Variants in CERS3 observed in about 807,000 individuals in gnomAD.
CERS3 encodes LAG1 homolog, ceramide synthase 3.
A neutral mutation model predicts 50.3 loss-of-function variants in CERS3; 33 were observed. The ratio of observed to expected loss-of-function variants is 0.66; its 90% CI spans 0.50 to 0.88. The LOEUF is 0.88. Among genes scored for constraint, CERS3 ranks in the 40% least tolerant of loss-of-function variants. The probability of loss-of-function intolerance (pLI) is 0.00; values close to 1 mark genes in which losing one functional copy is unlikely to be tolerated. For missense variants in CERS3, 470 were observed against 460.3 expected (o/e 1.02, Z -0.19); for synonymous variants, 176 against 155.2 (o/e 1.13, Z -0.99).
At chr15:100,490,152 G>A (rs190000495) in intron 4 of CERS3, among the ~76,000 whole-genome samples, 33 of 152,296 alleles carry the variant, frequency 2.2e-4, no homozygotes, top group African/African-American at 7.2e-4. Flanking sequence ...CAAAACTGGA[G>A]TGAACACTAG....
intron 11 of CERS3, among the ~76,000 whole-genome samples, 188 bp from the exon 12 acceptor site, chr15:100,403,053 AT>A (rs2030682448): frequency 2.0e-5 from 3 of 152,254 alleles, no homozygotes; most frequent in Admixed American, 1.3e-4. Context: ...AATAATTGAC[AT>A]TACACGAAGC....
intron 10 of CERS3, among the ~76,000 whole-genome samples, chr15:100,466,840 C>CCTCTCTCCCTCTCTCTCTCTCTCTCT (rs1162475657): frequency 3.5e-5 from 1 of 28,260 alleles, no homozygotes; most frequent in Non-Finnish European, 8.2e-5. Flanking sequence ...TCCCTCTCTC[C>CCTCTCTCCCTCTCTCTCTCTCTCTCT]CTCTCTCTTT....
In CERS3 at chr15:100,438,036, C is replaced by CTTTTTTTTT. The variant is rs10712821; in HGVS notation, c.999+17848_999+17856dup. The CTTTTTTTTT allele has an allele frequency of 8.8e-5, 9 of 101,996 alleles. 1 individual carries two copies. The highest frequency in any genetic ancestry group is 1.3e-4 in the Admixed American group (1 of 7,444). 6.3% of individuals were successfully genotyped at this position (101,996 alleles called of 1,614,324 possible). The stretch of plus-strand genomic sequence containing the variant: ...ACTCATCAATTGGATTATGTACCCA[C>CTTTTTTTTT]TTTTTTTTTTTTTTTTTTTTTGAGA... On this transcript the variant is annotated intron_variant, in intron 11 of 11. Transcript: ENST00000679737.
At chr15:100,443,320 T>A (rs1489109122) in intron 11 of CERS3, among the ~76,000 whole-genome samples, 160 of 148,116 alleles carry the variant, frequency 1.1e-3, no homozygotes, top group African/African-American at 4.0e-3. Context: ...TAAAGCCTGT[T>A]ATCACTCTCC....
chr15:100,440,089 T>C (rs911947293), intron 11 of CERS3, among the ~76,000 whole-genome samples: 4 of 152,204 alleles, frequency 2.6e-5, no homozygotes, highest in African/African-American at 9.7e-5. Context: ...GAACCGTTTC[T>C]CCATGGGGAC....
chr15:100,530,112 T>A (rs2036902427), upstream of CERS3, among the ~76,000 whole-genome samples: 1 of 152,196 alleles, frequency 6.6e-6, no homozygotes, highest in South Asian at 2.1e-4. Flanking sequence ...TAAAACCATC[T>A]GGCAGAAGGG....
chr15:100,422,747 A>G (rs2032532145), intron 11 of CERS3, among the ~76,000 whole-genome samples: 1 of 123,420 alleles, frequency 8.1e-6, no homozygotes, highest in African/African-American at 3.1e-5. Flanking sequence ...ATGGAATACT[A>G]TGCAGCCATA....
chr15:100,431,754 G>T (rs934029531), intron 11 of CERS3, among the ~76,000 whole-genome samples: 2 of 152,210 alleles, frequency 1.3e-5, no homozygotes, highest in Admixed American at 6.5e-5. Flanking sequence ...CCAGTGTCTC[G>T]ATCTCACCTC....
chr15:100,485,178 T>A (rs2035449051), intron 4 of CERS3, among the ~76,000 whole-genome samples: 1 of 152,204 alleles, frequency 6.6e-6, no homozygotes, highest in Non-Finnish European at 1.5e-5. Flanking sequence ...CTCCAGAAGA[T>A]AATGCAGGAA....
intron 11 of CERS3, among the ~76,000 whole-genome samples, chr15:100,446,149 C>T (rs1266641522): frequency 6.6e-6 from 1 of 152,212 alleles, no homozygotes; most frequent in African/African-American, 2.4e-5. Context: ...AATAAACAGC[C>T]TTGTTGCTCA....
Position 100,418,892 on chromosome 15 carries a change from G to C in CERS3, c.1000-16027C>G, listed in dbSNP as rs868519679. 6.6e-5 allele frequency among the ~76,000 whole-genome samples: 10 copies of C among 151,914 alleles called. No individual in the cohort carries two copies. The Middle Eastern group carries it at 0.01, about 155-fold the overall frequency. The stretch of plus-strand genomic sequence containing the variant: ...AGACAAGCAAATGCTGAGAGATTTT[G>C]TCACCACCAGGCCTGCCTTACAAGA... On this transcript the variant is annotated intron_variant, in intron 11 of 11. Coordinates refer to ENST00000679737, the MANE Select transcript of CERS3 (RefSeq NM_001378789.1).
At chr15:100,541,821 A>T (rs1176975461) in intron 1 of CERS3, among the ~76,000 whole-genome samples, 1 of 152,224 alleles carries the variant, frequency 6.6e-6, no homozygotes, top group East Asian at 1.9e-4. Context: ...ACGTTCATTC[A>T]TTCATTTGTG....
intron 2 of CERS3, among the ~76,000 whole-genome samples, chr15:100,521,190 G>A (rs1238795215): frequency 1.3e-5 from 2 of 152,126 alleles, no homozygotes; most frequent in East Asian, 1.9e-4. Context: ...CAATATTTGC[G>A]AACATGCTTC....
At chr15:100,405,092 G>A (rs1008371388) in intron 11 of CERS3, among the ~76,000 whole-genome samples, 1 of 152,024 alleles carries the variant, frequency 6.6e-6, no homozygotes, top group Non-Finnish European at 1.5e-5. Context: ...TGGCAAACTG[G>A]AATTCATCAA....
At chr15:100,449,936 T>C (rs2034092509) in intron 11 of CERS3, among the ~76,000 whole-genome samples, 3 of 151,928 alleles carry the variant, frequency 2.0e-5, no homozygotes, top group African/African-American at 7.3e-5. Flanking sequence ...TCAATATAAT[T>C]ATATTAAAGA....
chr15:100,442,549 A>G (rs2033726079), intron 11 of CERS3, among the ~76,000 whole-genome samples: 3 of 152,194 alleles, frequency 2.0e-5, no homozygotes, highest in Non-Finnish European at 1.5e-5. Context: ...TGCCTCCCCC[A>G]GGAGCTTGCT....
chr15:100,537,144 T>G (rs4965668), intron 1 of CERS3, among the ~76,000 whole-genome samples: 7,907 of 152,262 alleles, frequency 0.052, 225 homozygotes, highest in Middle Eastern at 0.082. Flanking sequence ...GAAGGGGTAC[T>G]CTCTCTTCAG....
intron 8 of CERS3, among the ~76,000 whole-genome samples, chr15:100,473,871 G>A (rs1431191913): frequency 6.6e-6 from 1 of 152,186 alleles, no homozygotes; most frequent in African/African-American, 2.4e-5. Flanking sequence ...CCAAATGGAG[G>A]AAACAACCCA....
intron 2 of CERS3, among the ~76,000 whole-genome samples, chr15:100,515,548 G>T (rs147838704): frequency 3.5e-4 from 54 of 152,326 alleles, no homozygotes; most frequent in African/African-American, 1.2e-3. Context: ...GAGGCAGGAA[G>T]TTGACTTAGA....
Sources: allele counts gnomAD v4.1 joint callset (sites outside exome capture counted in the v4.1 genomes callset), GRCh38; gene constraint gnomAD v4.1.1; transcripts MANE v1.5; gene names NCBI Gene and HGNC (gene_info 2026-07-23, HGNC 2026-07-21).